PCSK5: variants seen among roughly 807,000 people sequenced by gnomAD.
PCSK5 encodes proprotein convertase subtilisin/kexin type 5, also known as prohormone convertase 5.
Under a neutral mutation model 233.2 loss-of-function variants are expected in PCSK5, and 129 were observed. The observed-to-expected ratio is 0.55, with a 90% CI of 0.48 to 0.64. The LOEUF (loss-of-function observed/expected upper bound fraction) is 0.64. Ranked by LOEUF, PCSK5 falls within the 30% of genes least tolerant of loss-of-function variation. The probability of loss-of-function intolerance (pLI) is 0.00; values close to 1 mark genes in which losing one functional copy is unlikely to be tolerated. For synonymous variants in PCSK5, 825 were observed against 879.2 expected (o/e 0.94, Z 1.09); for missense variants, 2,076 against 2,430.1 (o/e 0.85, Z 3.06).
intron 29 of PCSK5, among the ~76,000 whole-genome samples, chr9:76,310,428 A>G (rs1828831569): frequency 6.6e-6 from 1 of 152,096 alleles, no homozygotes; most frequent in Admixed American, 6.6e-5. Context: ...CATGACCTAT[A>G]CCTAATATCT....
chr9:76,244,788 T>A (rs554840768), intron 24 of PCSK5, among the ~76,000 whole-genome samples: 1 of 152,256 alleles, frequency 6.6e-6, no homozygotes, highest in East Asian at 1.9e-4. Context: ...TGGAAGAAAG[T>A]GTTGAATTAA....
intron 2 of PCSK5, among the ~76,000 whole-genome samples, chr9:75,953,307 G>A (rs1824947995): frequency 6.6e-6 from 1 of 152,104 alleles, no homozygotes; most frequent in Non-Finnish European, 1.5e-5. Flanking sequence ...AGTGAGATTA[G>A]GGAAAAGAGA....
At chr9:76,037,003 T>G (rs62558821) in intron 5 of PCSK5, among the ~76,000 whole-genome samples, 27,230 of 152,250 alleles carry the variant, frequency 0.18, 3,494 homozygotes, top group East Asian at 0.53. Flanking sequence ...GTCTGCATAG[T>G]TTGCTAATAC....
intron 3 of PCSK5, among the ~76,000 whole-genome samples, chr9:76,017,150 CG>C (rs1563974549): frequency 1.3e-5 from 2 of 152,162 alleles, no homozygotes; most frequent in Non-Finnish European, 2.9e-5. Context: ...GCCAAAAGGA[CG>C]TTGCATGCTG....
In PCSK5 at chr9:76,359,057, G is replaced by A; in HGVS notation, c.*135G>A. The A allele has an allele frequency of 1.6e-6, 1 of 641,740 alleles. No individual in the cohort carries two copies. The highest frequency in any genetic ancestry group is 1.8e-5 in the African/African-American group (1 of 54,874). The allele number at this position is 641,740 out of a possible 1,614,324, so 39.8% of individuals were successfully genotyped here. A position where few individuals can be genotyped will look rare whatever the true frequency, so the allele number is the denominator to read the frequency against. ...TCTTCTTTAACCATGAGTCCAACCA[G>A]AATATGTAAGAATGATGAAATACTT... On this transcript the variant is annotated 3_prime_UTR_variant, in exon 38 of 38. Transcript: ENST00000674117.
chr9:75,929,125 G>A (rs1323306904), intron 1 of PCSK5, among the ~76,000 whole-genome samples: 2 of 152,100 alleles, frequency 1.3e-5, no homozygotes, highest in East Asian at 3.9e-4. Flanking sequence ...AGTAGAGATG[G>A]GGTTTCACCA....
At chr9:75,893,246 GAAT>G (rs1455534793) in intron 1 of PCSK5, among the ~76,000 whole-genome samples, 2 of 152,124 alleles carry the variant, frequency 1.3e-5, no homozygotes, top group African/African-American at 4.8e-5. Context: ...CTTGTTTGGT[GAAT>G]ATTACCTCAC....
rs1255228738 is a variant in PCSK5 at position 76,239,038 on chromosome 9, G to T, written c.2946G>T (p.Gly982=). 1.9e-6 allele frequency: 3 copies of T among 1,611,934 alleles called. No homozygotes were observed. The highest frequency in any genetic ancestry group is 1.7e-5 in the Admixed American group (1 of 59,920). The stretch of plus-strand genomic sequence containing the variant: ...CAGAGGGCCACTATGCCACTGAGGG[G>T]AACACCTGCCTGCCCTGCCCAGACA... ...SCPEGHYATE[G]NTCLPCPDNC... is the part of the protein sequence containing the mutation. Residue 982 remains glycine, a synonymous_variant, in exon 23 of 38, where the codon GGG becomes GGT. Transcript: ENST00000674117.
chr9:76,175,283 AATC>A lies in PCSK5; in HGVS notation c.1900+155_1900+157del, dbSNP rs1470525985. The A allele has an allele frequency of 1.9e-5, 12 of 627,044 alleles. No individual in the cohort carries two copies. In the East Asian group the frequency reaches 3.3e-4, roughly 17 times the overall value. The allele number at this position is 627,044 out of a possible 1,614,324, so 38.8% of individuals were successfully genotyped here. On this transcript the variant is annotated intron_variant, in intron 14 of 37. Coordinates refer to ENST00000674117, the MANE Select transcript of PCSK5 (RefSeq NM_001372043.1). Reference sequence around the variant, plus strand: ...AATGGAATGGAATGGAATCGAATCGAATCGAATCGAATAGAATAGAATAGAATA... The same window carrying A: ...AATGGAATGGAATGGAATCGAATCGAGAATCGAATAGAATAGAATAGAATA...
intron 24 of PCSK5, chr9:76,287,865 T>C (rs556388899): frequency 1.1e-4 from 22 of 209,340 alleles, no homozygotes; most frequent in Admixed American, 3.0e-4. Context: ...CTTCTGCAGG[T>C]TCGACATACT....
At chr9:75,902,289 A>AGG (rs1042507575) in intron 1 of PCSK5, among the ~76,000 whole-genome samples, 2 of 151,274 alleles carry the variant, frequency 1.3e-5, no homozygotes, top group African/African-American at 4.9e-5. Context: ...GTAAGAGAGA[A>AGG]GGCGAAAGAA....
chr9:76,244,917 T>C (rs1826542104), intron 24 of PCSK5, among the ~76,000 whole-genome samples: 1 of 152,234 alleles, frequency 6.6e-6, no homozygotes, highest in Non-Finnish European at 1.5e-5. Flanking sequence ...GAATATTTGA[T>C]GTCAATTCTT....
At chr9:76,232,640 T>A (rs1826128412) in intron 21 of PCSK5, among the ~76,000 whole-genome samples, 1 of 152,226 alleles carries the variant, frequency 6.6e-6, no homozygotes, top group Admixed American at 6.5e-5. Flanking sequence ...CTCTTGCACT[T>A]GATAAACATT....
chr9:75,987,880 G>C (rs1826592229), intron 3 of PCSK5, among the ~76,000 whole-genome samples: 1 of 152,180 alleles, frequency 6.6e-6, no homozygotes, highest in African/African-American at 2.4e-5. Context: ...GGGTGAGAGA[G>C]ACCCTTTTTG....
intron 20 of PCSK5, among the ~76,000 whole-genome samples, chr9:76,205,999 G>A (rs899130011): frequency 3.3e-5 from 5 of 152,236 alleles, no homozygotes; most frequent in East Asian, 1.9e-4. Flanking sequence ...TTGAGATGGC[G>A]ACAGTCTTTC....
chr9:76,064,420 A>C (rs1161715662), intron 5 of PCSK5, among the ~76,000 whole-genome samples: 2 of 83,588 alleles, frequency 2.4e-5, no homozygotes, highest in Admixed American at 1.1e-4. Context: ...TGACCCCCCC[A>C]CCTCCCTCCC....
chr9:76,226,999 T>A (rs1048044721), intron 20 of PCSK5, among the ~76,000 whole-genome samples: 3 of 152,310 alleles, frequency 2.0e-5, no homozygotes, highest in Non-Finnish European at 2.9e-5. Flanking sequence ...TAGCTTACAA[T>A]CACCCAATGT....
intron 3 of PCSK5, among the ~76,000 whole-genome samples, chr9:75,993,719 C>T (rs970993835): frequency 9.9e-5 from 15 of 152,128 alleles, no homozygotes; most frequent in Admixed American, 6.6e-4. Context: ...AGAAAGAAAA[C>T]GCACATGGGG....
intron 24 of PCSK5, among the ~76,000 whole-genome samples, chr9:76,241,210 G>A (rs536157185): frequency 3.3e-5 from 5 of 152,324 alleles, no homozygotes; most frequent in African/African-American, 1.2e-4. Flanking sequence ...GGGAGGCCAA[G>A]GTGGGTGGAT....
Sources: gnomAD v4.1 joint callset for allele counts (sites outside exome capture counted in the v4.1 genomes callset) on GRCh38, gnomAD v4.1.1 for gene constraint, MANE v1.5 for transcripts, NCBI Gene and HGNC (gene_info 2026-07-23, HGNC 2026-07-21) for gene names.